ARHGAP6: variants seen among roughly 807,000 people sequenced by gnomAD.
ARHGAP6 encodes rho GTPase-activating protein 6.
A neutral mutation model predicts 55.7 loss-of-function variants in ARHGAP6; 16 were observed. That is an observed-to-expected ratio of 0.29 (90% CI 0.19 to 0.44). The LOEUF (loss-of-function observed/expected upper bound fraction) is 0.44, where lower values mean the gene tolerates loss of function less well. Ranked by LOEUF, ARHGAP6 falls within the 20% of genes least tolerant of loss-of-function variation. The pLI, the probability that ARHGAP6 is intolerant of heterozygous loss-of-function variation, is 1.00. For missense variants in ARHGAP6, 698 were observed against 808.9 expected (o/e 0.86, Z 1.66); for synonymous variants, 382 against 360.9 (o/e 1.06, Z -0.66).
chrX:11,358,475 TTCTTTCTTTC>T (rs763678086), intron 1 of ARHGAP6, among the ~76,000 whole-genome samples: 4,189 of 99,811 alleles, frequency 0.042, 118 homozygotes, highest in African/African-American at 0.086. Flanking sequence ...CTTTCTTTCT[TTCTTTCTTTC>T]TTTTTTTTTT....
At chrX:11,446,295 T>C (rs1448471730) in intron 1 of ARHGAP6, among the ~76,000 whole-genome samples, 1 of 111,565 alleles carries the variant, frequency 9.0e-6, no homozygotes, top group Non-Finnish European at 1.9e-5. Flanking sequence ...TTTTTAAGAA[T>C]GGAGCCTGAA....
At chrX:11,254,525 C>A in intron 2 of ARHGAP6, 23 bp downstream of exon 2, 3 of 1,201,475 alleles carry the variant, frequency 2.5e-6, no homozygotes, top group South Asian at 1.8e-5. Flanking sequence ...TGTTCCCCGG[C>A]AGAAAGGCAG....
chrX:11,451,830 C>T lies in ARHGAP6; in HGVS notation c.589-197123G>A, dbSNP rs187802469. On this transcript the variant is annotated intron_variant, in intron 1 of 12. Coordinates refer to ENST00000337414, the MANE Select transcript of ARHGAP6 (RefSeq NM_013427.3). ...AAGGTAGAGATGATGTCTTCCCTGG[C>T]ATTTAATAAGGGTTTAATAAATGTC... is the stretch of plus-strand genomic sequence containing the variant. Among the ~76,000 whole-genome samples, 3 of 112,286 alleles carry T rather than the reference C, an allele frequency of 2.7e-5. No homozygotes were observed. The East Asian group carries it at 8.4e-4, about 31-fold the overall frequency.
At chrX:11,391,000 A>G (rs1307396157) in intron 1 of ARHGAP6, among the ~76,000 whole-genome samples, 2 of 112,284 alleles carry the variant, frequency 1.8e-5, no homozygotes, top group Non-Finnish European at 3.8e-5. Flanking sequence ...TGCTGCTATG[A>G]AGACACATGC....
At chrX:11,537,378 C>T (rs1416656258) in intron 1 of ARHGAP6, among the ~76,000 whole-genome samples, 5 of 111,784 alleles carry the variant, frequency 4.5e-5, no homozygotes, top group Non-Finnish European at 9.4e-5. Context: ...AGGACAGCTC[C>T]TCTCAGCAAA....
At chrX:11,268,489 G>A (rs1569279388) in intron 1 of ARHGAP6, among the ~76,000 whole-genome samples, 1 of 112,016 alleles carries the variant, frequency 8.9e-6, no homozygotes, top group Non-Finnish European at 1.9e-5. Flanking sequence ...GAAATGGATG[G>A]CGCACAGTGA....
chrX:11,563,333 C>A (rs1243414879), intron 1 of ARHGAP6, among the ~76,000 whole-genome samples: 1 of 88,014 alleles, frequency 1.1e-5, no homozygotes, highest in African/African-American at 5.0e-5. Flanking sequence ...ATAAGATAAT[C>A]CAATTTAATA....
chrX:11,173,861 C>A (rs2046129269), intron 8 of ARHGAP6, among the ~76,000 whole-genome samples: 1 of 111,418 alleles, frequency 9.0e-6, no homozygotes, highest in African/African-American at 3.3e-5. Context: ...TCCTCTCTTT[C>A]ATAAAGACAA....
rs184810896 is a variant in ARHGAP6 at position 11,287,860 on chromosome X, T to C, written c.589-33153A>G. On this transcript the variant is annotated intron_variant, in intron 1 of 12. Transcript: ENST00000337414. ...ATTCTACATTTAATTGCTAAGATCATGGAAGCATGAGAAGATGTCACCTTT... is the reference window on the plus strand; with the variant it reads ...ATTCTACATTTAATTGCTAAGATCACGGAAGCATGAGAAGATGTCACCTTT... Among the ~76,000 whole-genome samples, 381 of 112,467 alleles carry C rather than the reference T, an allele frequency of 3.4e-3. 6 individuals are homozygous for C. Among genetic ancestry groups the C allele is most frequent in the African/African-American group, 0.012 (368 of 30,970 alleles).
intron 1 of ARHGAP6, among the ~76,000 whole-genome samples, chrX:11,268,492 C>A (rs1183471822): frequency 8.9e-6 from 1 of 111,913 alleles, no homozygotes; most frequent in East Asian, 2.8e-4. Flanking sequence ...ATGGATGGCG[C>A]ACAGTGAGGA....
At chrX:11,397,672 A>C (rs1310331929) in intron 1 of ARHGAP6, among the ~76,000 whole-genome samples, 2 of 111,661 alleles carry the variant, frequency 1.8e-5, no homozygotes, top group Non-Finnish European at 3.8e-5. Flanking sequence ...TGCGCCCAGG[A>C]TGAGACCAAC....
At chrX:11,620,914 A>G (rs1275562034) in intron 1 of ARHGAP6, among the ~76,000 whole-genome samples, 3 of 112,327 alleles carry the variant, frequency 2.7e-5, no homozygotes, top group Admixed American at 1.9e-4. Flanking sequence ...CCTGGTTTAT[A>G]TGAAGTTAAA....
At chrX:11,372,386 A>C (rs1040235858) in intron 1 of ARHGAP6, among the ~76,000 whole-genome samples, 6 of 112,256 alleles carry the variant, frequency 5.3e-5, no homozygotes, top group Non-Finnish European at 9.4e-5. Context: ...TACCAAGTGA[A>C]TATTAATAAA....
At chrX:11,498,812 T>C (rs1337617598) in intron 1 of ARHGAP6, among the ~76,000 whole-genome samples, 1 of 112,623 alleles carries the variant, frequency 8.9e-6, no homozygotes, top group Non-Finnish European at 1.9e-5. Flanking sequence ...AAAACAATTA[T>C]ACACAGGTAG....
chrX:11,224,568 T>C (rs2047018781), intron 2 of ARHGAP6, among the ~76,000 whole-genome samples: 1 of 111,267 alleles, frequency 9.0e-6, no homozygotes, highest in Admixed American at 9.6e-5. Context: ...GGCATATTTG[T>C]GCAAGAGTAA....
intron 1 of ARHGAP6, among the ~76,000 whole-genome samples, chrX:11,279,496 G>A (rs2047824618): frequency 9.0e-6 from 1 of 111,321 alleles, no homozygotes; most frequent in African/African-American, 3.3e-5. Flanking sequence ...ACAACCAAAT[G>A]CCATTGTCTT....
At chrX:11,564,045 A>G (rs1469371973) in intron 1 of ARHGAP6, among the ~76,000 whole-genome samples, 1 of 111,575 alleles carries the variant, frequency 9.0e-6, no homozygotes. Context: ...CAACAAAAAA[A>G]TTCACATAAG....
At chrX:11,205,011 T>C (rs2046684718) in intron 2 of ARHGAP6, among the ~76,000 whole-genome samples, 1 of 110,767 alleles carries the variant, frequency 9.0e-6, no homozygotes, top group South Asian at 3.9e-4. Flanking sequence ...CATGGGGAGA[T>C]TGGTATAATA....
At position 11,389,558 on chromosome X, in the gene ARHGAP6, C is replaced by A; in HGVS notation, c.589-134851G>T. On this transcript the variant is annotated intron_variant, in intron 1 of 12. Coordinates refer to ENST00000337414, the MANE Select transcript of ARHGAP6 (RefSeq NM_013427.3). Reference sequence around the variant, plus strand: ...GTTTACACTCAGACAAATTGAGAGTCCTCTAAATGAAGACTTCTGAGCATG... The same window carrying A: ...GTTTACACTCAGACAAATTGAGAGTACTCTAAATGAAGACTTCTGAGCATG... 2.7e-5 allele frequency among the ~76,000 whole-genome samples: 3 copies of A among 112,196 alleles called. No individual in the cohort carries two copies. In the Middle Eastern group the frequency reaches 0.014, roughly 517 times the overall value.
Sources: allele counts gnomAD v4.1 joint callset (sites outside exome capture counted in the v4.1 genomes callset), GRCh38; gene constraint gnomAD v4.1.1; transcripts MANE v1.5; gene names NCBI Gene and HGNC (gene_info 2026-07-23, HGNC 2026-07-21).